The following TMED8 variants were observed in gnomAD, a reference collection of about 807,000 sequenced individuals.
TMED8 encodes protein TMED8.
In TMED8, 15 loss-of-function variants were observed where a neutral mutation model predicts 32.7. That is an observed-to-expected ratio of 0.46 (90% CI 0.31 to 0.71). The LOEUF is 0.71. Among genes scored for constraint, TMED8 ranks in the 30% least tolerant of loss-of-function variants. The probability of loss-of-function intolerance (pLI) is 0.06; values close to 1 mark genes in which losing one functional copy is unlikely to be tolerated. For missense variants in TMED8, 390 were observed against 423.9 expected (o/e 0.92, Z 0.70); for synonymous variants, 147 against 161.4 (o/e 0.91, Z 0.68).
chr14:77,343,622 C>A, intron 4 of TMED8, 75 bp downstream of exon 4: 1 of 1,594,720 alleles, frequency 6.3e-7, no homozygotes, highest in Non-Finnish European at 8.6e-7. Flanking sequence ...TCTTTCCTTC[C>A]ATTTGTCTGT....
intron 1 of TMED8, among the ~76,000 whole-genome samples, chr14:77,356,349 C>G (rs1893292071): frequency 6.6e-6 from 1 of 152,142 alleles, no homozygotes; most frequent in Non-Finnish European, 1.5e-5. Flanking sequence ...TTATTCCTTG[C>G]TATTCTTTAT....
chr14:77,375,361 T>C (rs1372291907), intron 1 of TMED8, among the ~76,000 whole-genome samples: 1 of 152,142 alleles, frequency 6.6e-6, no homozygotes, highest in African/African-American at 2.4e-5. Flanking sequence ...CTCATCTATC[T>C]AAAACGCGTG....
chr14:77,349,492 C>A (rs1377429942), intron 2 of TMED8, among the ~76,000 whole-genome samples: 1 of 152,176 alleles, frequency 6.6e-6, no homozygotes, highest in East Asian at 1.9e-4. Flanking sequence ...ACAACAGCCT[C>A]TTCAATCCTT....
chr14:77,342,771 C>T (rs1892936128), intron 5 of TMED8, among the ~76,000 whole-genome samples: 1 of 152,130 alleles, frequency 6.6e-6, no homozygotes, highest in East Asian at 1.9e-4. Context: ...AGAATGGATA[C>T]CTTTAGCAAA....
At chr14:77,348,116 T>G (rs997195721) in intron 2 of TMED8, among the ~76,000 whole-genome samples, 1 of 152,372 alleles carries the variant, frequency 6.6e-6, no homozygotes, top group Admixed American at 6.5e-5. Flanking sequence ...TACTACATTC[T>G]TTGCTTTGAA....
intron 2 of TMED8, among the ~76,000 whole-genome samples, chr14:77,351,436 G>GTT (rs1566687602): frequency 2.5e-5 from 3 of 117,960 alleles, no homozygotes; most frequent in African/African-American, 6.7e-5. Flanking sequence ...TTTTTTTTTG[G>GTT]ATTTTTAGTA....
intron 1 of TMED8, among the ~76,000 whole-genome samples, chr14:77,371,876 T>C (rs1223308816): frequency 6.6e-6 from 1 of 152,150 alleles, no homozygotes; most frequent in African/African-American, 2.4e-5. Flanking sequence ...ATTTAGATGG[T>C]ATGTGGGGAA....
At chr14:77,372,941 TATATATA>T (rs1893721121) in intron 1 of TMED8, among the ~76,000 whole-genome samples, 27 of 32,176 alleles carry the variant, frequency 8.4e-4, no homozygotes, top group Admixed American at 9.5e-4. Context: ...TATATATATA[TATATATA>T]TATATTTTTT....
At chr14:77,356,999 T>C (rs543926842) in intron 1 of TMED8, among the ~76,000 whole-genome samples, 43 of 152,316 alleles carry the variant, frequency 2.8e-4, no homozygotes, top group Non-Finnish European at 4.7e-4. Flanking sequence ...TAGTAATTAC[T>C]AGTACACGTA....
chr14:77,360,140 C>G (rs1396470437), intron 1 of TMED8, among the ~76,000 whole-genome samples: 1 of 152,132 alleles, frequency 6.6e-6, no homozygotes, highest in Non-Finnish European at 1.5e-5. Context: ...CACAGCTATC[C>G]TCTCTTTTTG....
chr14:77,365,376 G>GA (rs1348823590), intron 1 of TMED8, among the ~76,000 whole-genome samples: 1 of 152,106 alleles, frequency 6.6e-6, no homozygotes, highest in Admixed American at 6.5e-5. Flanking sequence ...TATCCTTTAG[G>GA]ATAGAATTAT....
intron 1 of TMED8, among the ~76,000 whole-genome samples, chr14:77,358,419 C>G (rs1301751737): frequency 1.3e-5 from 2 of 152,110 alleles, no homozygotes; most frequent in East Asian, 1.9e-4. Context: ...CTGCCTTAGC[C>G]TCCTGAGTAG....
chr14:77,376,913 G>T lies in TMED8; in HGVS notation c.118+23C>A. 1 of 1,383,904 alleles carries T rather than the reference G, an allele frequency of 7.2e-7. No homozygotes were observed. Among genetic ancestry groups the T allele is most frequent in the Non-Finnish European group, 9.4e-7 (1 of 1,059,300 alleles). 85.7% of individuals were successfully genotyped at this position (1,383,904 alleles called of 1,614,324 possible). On this transcript the variant is annotated intron_variant, in intron 1 of 5. Transcript: ENST00000216468. The surrounding 1 kb of genome is among the most constrained non-coding windows in gnomAD (Gnocchi z 4.0). ...CCCTGAGGCCGGGCGGCACCCACCC[G>T]CCAGCGCCCCGGCCTTGCGTACCTG...
In TMED8 at chr14:77,339,925, G is replaced by A. The variant is rs1293736614; in HGVS notation, c.*1846C>T. On this transcript the variant is annotated 3_prime_UTR_variant, in exon 6 of 6. Coordinates refer to ENST00000216468, the MANE Select transcript of TMED8 (RefSeq NM_213601.3). Reference sequence around the variant, plus strand: ...GATGCTACTAGGGACCCACTGGGAAGAGTCCCGTTCCTTGAGTTATGCTAC... The same window carrying A: ...GATGCTACTAGGGACCCACTGGGAAAAGTCCCGTTCCTTGAGTTATGCTAC... 2.0e-5 allele frequency: 3 copies of A among 152,172 alleles called. No individual in the cohort carries two copies. The highest frequency in any genetic ancestry group is 4.8e-5 in the African/African-American group (2 of 41,436). The allele number at this position is 152,172 out of a possible 1,614,324, so 9.4% of individuals were successfully genotyped here. A position where few individuals can be genotyped will look rare whatever the true frequency, so the allele number is the denominator to read the frequency against.
intron 1 of TMED8, among the ~76,000 whole-genome samples, chr14:77,375,817 G>A (rs887787495): frequency 2.0e-5 from 3 of 152,232 alleles, no homozygotes; most frequent in Admixed American, 6.5e-5. Context: ...CAATGGTTGA[G>A]ACGAGTATAG....
At chr14:77,351,795 T>C in intron 1 of TMED8, 44 bp from the exon 2 acceptor site, 968 of 1,122,760 alleles carry the variant, frequency 8.6e-4, no homozygotes, top group Non-Finnish European at 1.2e-3. Context: ...TGAGAGGGAA[T>C]ACAATCATAA....
chr14:77,353,212 A>G (rs150760278), intron 1 of TMED8, among the ~76,000 whole-genome samples: 2 of 152,294 alleles, frequency 1.3e-5, no homozygotes, highest in Non-Finnish European at 2.9e-5. Context: ...GGTTTAGTGC[A>G]TTTAGACAGC....
chr14:77,342,102 T>G (rs961859943), intron 5 of TMED8, 114 bp from the exon 6 acceptor site: 9 of 796,204 alleles, frequency 1.1e-5, no homozygotes, highest in Non-Finnish European at 1.6e-5. Flanking sequence ...ATTGCCCTCC[T>G]ACAGACATTT....
chr14:77,343,436 C>G lies in TMED8; in HGVS notation c.502G>C (p.Val168Leu). The G allele has an allele frequency of 1.2e-6, 2 of 1,613,824 alleles. No homozygotes were observed. The highest frequency in any genetic ancestry group is 2.7e-5 in the African/African-American group (2 of 75,038). The change falls in exon 5 of 6, where the codon GTG (valine) becomes CTG (leucine). Residue 168 changes from valine (V) to leucine (L), a missense_variant. By Grantham distance (32) the Val-to-Leu change is conservative. Coordinates refer to ENST00000216468, the MANE Select transcript of TMED8 (RefSeq NM_213601.3). Reference sequence around the variant, plus strand: ...CCCAGCTTGCTTTTGAATTCCTTCACCTTGGCAAAGGTCCAGATGCATGGA... The same window carrying G: ...CCCAGCTTGCTTTTGAATTCCTTCAGCTTGGCAAAGGTCCAGATGCATGGA... Reference protein sequence around the residue: ...APPCIWTFAKVKEFKSKLGKE... With the variant: ...APPCIWTFAKLKEFKSKLGKE...
Sources: gnomAD v4.1 joint callset for allele counts (sites outside exome capture counted in the v4.1 genomes callset) on GRCh38, gnomAD v4.1.1 for gene constraint, Gnocchi (gnomAD v3.1) non-coding constraint, MANE v1.5 for transcripts, NCBI Gene and HGNC (gene_info 2026-07-23, HGNC 2026-07-21) for gene names.